Variants in ZNF98 observed in about 807,000 individuals in gnomAD.
ZNF98 encodes zinc finger protein 98.
ZNF98 carries 8 observed loss-of-function variants against 12.8 expected under a neutral mutation model. That is an observed-to-expected ratio of 0.63 (90% confidence interval 0.37 to 1.13). The LOEUF (loss-of-function observed/expected upper bound fraction) is 1.13, where lower values mean the gene tolerates loss of function less well. Ranked by LOEUF, ZNF98 falls within the 50% of genes most tolerant of loss-of-function variation. The probability of loss-of-function intolerance (pLI) is 0.01; values close to 1 mark genes in which losing one functional copy is unlikely to be tolerated. For missense variants in ZNF98, 379 were observed against 666.1 expected (o/e 0.57, Z 4.74); for synonymous variants, 112 against 223.5 (o/e 0.50, Z 4.45).
intron 1 of ZNF98, 23 bp downstream of exon 1, chr19:22,422,172 G>A (rs1969712124): frequency 6.2e-7 from 1 of 1,612,698 alleles, no homozygotes; most frequent in African/African-American, 1.3e-5. Context: ...CCTCTCTAGG[G>A]ATGTCGGACT....
rs1396458117 is a variant in ZNF98 at position 22,392,395 on chromosome 19, G to A, written c.840C>T (p.Asn280=). The change falls in exon 4 of 4, where the codon AAC becomes AAT. Residue 280 remains asparagine (N), a synonymous_variant. Coordinates refer to ENST00000357774, the MANE Select transcript of ZNF98 (RefSeq NM_001098626.2). ...TATGAATTCTCTTATGTGTAGTAAGGTTTGCAGATTGGTTAAAAGCTTTGC... is the reference window on the plus strand; with the variant it reads ...TATGAATTCTCTTATGTGTAGTAAGATTTGCAGATTGGTTAAAAGCTTTGC... ...ECGKAFNQSA[N]LTTHKRIHTG... The A allele has an allele frequency of 2.0e-6, 3 of 1,511,936 alleles. No homozygotes were observed. Among genetic ancestry groups the A allele is most frequent in the East Asian group, 4.9e-5 (2 of 40,788 alleles). 93.7% of individuals were successfully genotyped at this position (1,511,936 alleles called of 1,614,324 possible).
intron 1 of ZNF98, among the ~76,000 whole-genome samples, chr19:22,415,875 A>G (rs1969634677): frequency 6.6e-6 from 1 of 150,930 alleles, no homozygotes; most frequent in Admixed American, 6.6e-5. Flanking sequence ...CAGGTGGATC[A>G]CAAGGTCAGG....
intron 1 of ZNF98, among the ~76,000 whole-genome samples, chr19:22,407,638 G>C (rs1166413294): frequency 6.6e-6 from 1 of 151,738 alleles, no homozygotes; most frequent in South Asian, 2.1e-4. Flanking sequence ...CTTGAACCCG[G>C]GAGGCGGAGG....
intron 3 of ZNF98, among the ~76,000 whole-genome samples, chr19:22,398,926 C>A (rs1355249508): frequency 6.6e-6 from 1 of 151,978 alleles, no homozygotes; most frequent in African/African-American, 2.4e-5. Context: ...TTAGCCATAA[C>A]CAAAATTGGG....
In ZNF98 at chr19:22,395,178, GAA is replaced by G. The variant is rs71180538; in HGVS notation, c.254-2199_254-2198del. Among the ~76,000 whole-genome samples, 387 of 99,902 alleles carry G rather than the reference GAA, an allele frequency of 3.9e-3. 2 individuals carry two copies. Among genetic ancestry groups the G allele is most frequent in the African/African-American group, 0.014 (368 of 25,672 alleles). 65.5% of individuals were successfully genotyped at this position (99,902 alleles called of 152,430 possible). A position where few individuals can be genotyped will look rare whatever the true frequency, so the allele number is the denominator to read the frequency against. ...CAGGAGCAAAACTCTGTTTCAAAAA[GAA>G]AAAAAAAAAAAAAAAAAGAAAAGAA... On this transcript the variant is annotated intron_variant, in intron 3 of 3. Coordinates refer to ENST00000357774, the MANE Select transcript of ZNF98 (RefSeq NM_001098626.2).
At chr19:22,421,771 A>C (rs1375381380) in intron 1 of ZNF98, among the ~76,000 whole-genome samples, 1 of 152,176 alleles carries the variant, frequency 6.6e-6, no homozygotes, top group African/African-American at 2.4e-5. Context: ...TACTGTCGCG[A>C]TAATTCCCAT....
chr19:22,419,953 C>T lies in ZNF98; in HGVS notation c.30+2242G>A, dbSNP rs562580002. 2.0e-5 allele frequency among the ~76,000 whole-genome samples: 3 copies of T among 151,718 alleles called. No individual in the cohort carries two copies. In the South Asian group the frequency reaches 6.2e-4, roughly 32 times the overall value. On this transcript the variant is annotated intron_variant, in intron 1 of 3. Transcript: ENST00000357774. ...CAGGCAGATCACCAGGTCAGGAGTT[C>T]GAGACCAACCAGGCCAACATGGTGA...
chr19:22,413,658 GT>G (rs201006150), intron 1 of ZNF98, among the ~76,000 whole-genome samples: 2,843 of 151,810 alleles, frequency 0.019, 91 homozygotes, highest in African/African-American at 0.065. Flanking sequence ...ATCACCTGAG[GT>G]TGAGAGTTCA....
intron 1 of ZNF98, among the ~76,000 whole-genome samples, chr19:22,413,421 T>C (rs1969602450): frequency 1.3e-5 from 2 of 152,184 alleles, no homozygotes; most frequent in South Asian, 4.1e-4. Context: ...CAAAAATTAG[T>C]AGCATCCCTG....
At chr19:22,405,770 G>A (rs968901240) in intron 1 of ZNF98, among the ~76,000 whole-genome samples, 4 of 152,134 alleles carry the variant, frequency 2.6e-5, no homozygotes, top group African/African-American at 9.7e-5. Flanking sequence ...AGCTCCCCGG[G>A]GAGGGGCAGC....
In ZNF98 at chr19:22,404,012, A is replaced by AGACCGAGACTATCCTGGCT. The variant is rs1197095582; in HGVS notation, c.31-519_31-501dup. 1.8e-4 allele frequency among the ~76,000 whole-genome samples: 28 copies of AGACCGAGACTATCCTGGCT among 152,242 alleles called. 1 individual carries two copies. Among genetic ancestry groups the AGACCGAGACTATCCTGGCT allele is most frequent in the Admixed American group, 2.0e-4 (3 of 15,290 alleles). On this transcript the variant is annotated intron_variant, in intron 1 of 3. Transcript: ENST00000357774. ...AAGGCAGGTGGATCACGAGGTCAGGAGACCGAGACTATCCTGGCTAACACA... is the reference window on the plus strand; with the variant it reads ...AAGGCAGGTGGATCACGAGGTCAGGAGACCGAGACTATCCTGGCTGACCGAGACTATCCTGGCTAACACA...
intron 3 of ZNF98, 59 bp from the exon 4 acceptor site, chr19:22,393,040 A>G (rs2145106139): frequency 2.8e-6 from 4 of 1,406,260 alleles, no homozygotes; most frequent in Middle Eastern, 2.0e-4. Flanking sequence ...AATGTACTTT[A>G]CAAATCTAAC....
chr19:22,404,414 T>A (rs1208672070), intron 1 of ZNF98, among the ~76,000 whole-genome samples: 1 of 152,180 alleles, frequency 6.6e-6, no homozygotes, highest in Non-Finnish European at 1.5e-5. Context: ...CAAAGACAGA[T>A]AAATGCAAAG....
At chr19:22,410,615 G>T (rs891146245) in intron 1 of ZNF98, among the ~76,000 whole-genome samples, 6 of 152,176 alleles carry the variant, frequency 3.9e-5, no homozygotes, top group African/African-American at 1.4e-4. Context: ...TGGGGGCAAG[G>T]GGAGGGCACC....
intron 1 of ZNF98, among the ~76,000 whole-genome samples, chr19:22,415,148 G>C (rs1228474156): frequency 1.3e-5 from 2 of 152,046 alleles, no homozygotes; most frequent in Non-Finnish European, 2.9e-5. Context: ...CTAATCATTA[G>C]AGAAATTCAA....
At chr19:22,419,643 C>G (rs1250733025) in intron 1 of ZNF98, among the ~76,000 whole-genome samples, 4 of 152,086 alleles carry the variant, frequency 2.6e-5, no homozygotes, top group Admixed American at 6.6e-5. Context: ...TAATTTTATA[C>G]CTCAATAAGA....
chr19:22,418,695 G>A (rs938377923), intron 1 of ZNF98, among the ~76,000 whole-genome samples: 3 of 152,062 alleles, frequency 2.0e-5, no homozygotes, highest in African/African-American at 2.4e-5. Context: ...CCTGGCCAAC[G>A]TGGTGAAACC....
intron 3 of ZNF98, among the ~76,000 whole-genome samples, chr19:22,396,992 G>A (rs1280708201): frequency 2.0e-5 from 3 of 151,902 alleles, no homozygotes; most frequent in Non-Finnish European, 2.9e-5. Context: ...GGTGGTGGGC[G>A]CCTGTAATCC....
At chr19:22,412,819 G>A (rs1455291464) in intron 1 of ZNF98, among the ~76,000 whole-genome samples, 10 of 152,110 alleles carry the variant, frequency 6.6e-5, no homozygotes, top group Admixed American at 2.6e-4. Context: ...TTGGGAGGCC[G>A]AGGCGGGAGT....
Sources: allele counts gnomAD v4.1 joint callset (sites outside exome capture counted in the v4.1 genomes callset), GRCh38; gene constraint gnomAD v4.1.1; transcripts MANE v1.5; gene names NCBI Gene and HGNC (gene_info 2026-07-23, HGNC 2026-07-21).